The following SIRPD variants were observed in gnomAD, a reference collection of about 807,000 sequenced individuals.
SIRPD encodes the protein signal regulatory protein delta, also known as signal-regulatory protein delta.
Under a neutral mutation model 18.0 loss-of-function variants are expected in SIRPD, and 21 were observed. That is an observed-to-expected ratio of 1.17 (90% confidence interval 0.83 to 1.68). The LOEUF (loss-of-function observed/expected upper bound fraction) is 1.68, where lower values mean the gene tolerates loss of function less well. Ranked by LOEUF, SIRPD falls within the 40% of genes most tolerant of loss-of-function variation. The probability of loss-of-function intolerance (pLI) is 0.00; values close to 1 mark genes in which losing one functional copy is unlikely to be tolerated. For missense variants in SIRPD, 295 were observed against 238.4 expected (o/e 1.24, Z -1.56); for synonymous variants, 106 against 92.9 (o/e 1.14, Z -0.81).
At chr20:1,554,739 G>C (rs1416113483) in intron 1 of SIRPD, among the ~76,000 whole-genome samples, 2 of 152,078 alleles carry the variant, frequency 1.3e-5, no homozygotes, top group Non-Finnish European at 2.9e-5. Context: ...CCCATACCGG[G>C]TGTTCTGTGG....
At chr20:1,541,162 A>T (rs986820926) in intron 2 of SIRPD, among the ~76,000 whole-genome samples, 42 of 152,194 alleles carry the variant, frequency 2.8e-4, no homozygotes, top group African/African-American at 9.9e-4. Context: ...CAGTAATGGG[A>T]TTGCTGGGTC....
intron 2 of SIRPD, among the ~76,000 whole-genome samples, chr20:1,547,615 T>A (rs1400469348): frequency 6.6e-6 from 1 of 152,220 alleles, no homozygotes; most frequent in Non-Finnish European, 1.5e-5. Flanking sequence ...AGGATTGTTT[T>A]GGCTATTCTG....
chr20:1,555,513 T>A (rs1322150556), intron 1 of SIRPD, among the ~76,000 whole-genome samples: 7 of 152,220 alleles, frequency 4.6e-5, no homozygotes. Context: ...GTGATAAGTA[T>A]GTGAGGTGAT....
At position 1,549,933 on chromosome 20, in the gene SIRPD, A is replaced by C. The variant is rs1246697265; in HGVS notation, c.421+1758T>G. Among the ~76,000 whole-genome samples, 3 of 152,314 alleles carry C rather than the reference A, an allele frequency of 2.0e-5. No individual in the cohort carries two copies. The South Asian group carries it at 6.2e-4, about 32-fold the overall frequency. ...TTTTTATTTATTAAGAAATGGCATA[A>C]ATTTGGTACATTTCTGACTCAGAAC... On this transcript the variant is annotated intron_variant, in intron 2 of 3. Transcript: ENST00000381623.
At chr20:1,540,082 A>C (rs918096610) in intron 2 of SIRPD, 5 of 323,604 alleles carry the variant, frequency 1.5e-5, no homozygotes, top group African/African-American at 1.1e-4. Flanking sequence ...ACTAATACAG[A>C]TTTGTTAAGA....
chr20:1,545,293 C>G (rs1318867579), intron 2 of SIRPD, among the ~76,000 whole-genome samples: 1 of 152,158 alleles, frequency 6.6e-6, no homozygotes, highest in Non-Finnish European at 1.5e-5. Flanking sequence ...TCCCATATTT[C>G]TTGGAGGGTT....
intron 3 of SIRPD, among the ~76,000 whole-genome samples, chr20:1,535,270 G>C (rs1264338749): frequency 6.6e-6 from 1 of 152,164 alleles, no homozygotes; most frequent in African/African-American, 2.4e-5. Flanking sequence ...ACAGTGAAGA[G>C]GTCAAAGTAA....
At chr20:1,541,003 G>A (rs1194922591) in intron 2 of SIRPD, among the ~76,000 whole-genome samples, 5 of 152,174 alleles carry the variant, frequency 3.3e-5, no homozygotes, top group Admixed American at 6.5e-5. Context: ...ATTCCATGGT[G>A]TATATGTGCC....
chr20:1,550,280 T>A (rs948309203), intron 2 of SIRPD, among the ~76,000 whole-genome samples: 2 of 152,142 alleles, frequency 1.3e-5, no homozygotes, highest in African/African-American at 4.8e-5. Flanking sequence ...GGACCTCCTC[T>A]CCCTAGCAAC....
chr20:1,553,960 G>A (rs769162399), intron 1 of SIRPD: 1 of 152,608 alleles, frequency 6.6e-6, no homozygotes, highest in Non-Finnish European at 1.5e-5. Context: ...TCACATACAC[G>A]GTGGTGCCTG....
chr20:1,540,658 A>T (rs544369839), intron 2 of SIRPD, among the ~76,000 whole-genome samples: 1 of 152,314 alleles, frequency 6.6e-6, no homozygotes, highest in African/African-American at 2.4e-5. Context: ...TTTAAATTAT[A>T]CTTTAAGTTC....
intron 2 of SIRPD, among the ~76,000 whole-genome samples, chr20:1,539,614 C>T (rs2090961943): frequency 1.3e-5 from 2 of 152,232 alleles, no homozygotes; most frequent in Non-Finnish European, 1.5e-5. Flanking sequence ...ATTCACCCCA[C>T]TATGTAATCC....
At chr20:1,545,056 T>C (rs541717891) in intron 2 of SIRPD, among the ~76,000 whole-genome samples, 20 of 152,328 alleles carry the variant, frequency 1.3e-4, no homozygotes, top group African/African-American at 4.1e-4. Context: ...ATTTTTCACT[T>C]CATTTCAACC....
chr20:1,553,094 G>A (rs907505607), intron 1 of SIRPD, among the ~76,000 whole-genome samples: 20 of 152,300 alleles, frequency 1.3e-4, no homozygotes, highest in East Asian at 3.9e-4. Flanking sequence ...GGAAGTCTCA[G>A]GACAGACCTG....
intron 1 of SIRPD, among the ~76,000 whole-genome samples, chr20:1,552,987 T>C (rs756371297): frequency 6.6e-6 from 1 of 152,140 alleles, no homozygotes; most frequent in Non-Finnish European, 1.5e-5. Context: ...TACCACTGTA[T>C]TTCATGACGT....
chr20:1,548,457 A>G (rs1352438365), intron 2 of SIRPD, among the ~76,000 whole-genome samples: 1 of 152,160 alleles, frequency 6.6e-6, no homozygotes, highest in African/African-American at 2.4e-5. Context: ...CATGGGATAA[A>G]TCCCACTTGG....
intron 1 of SIRPD, among the ~76,000 whole-genome samples, chr20:1,553,230 G>A (rs1051106136): frequency 6.6e-6 from 1 of 152,138 alleles, no homozygotes; most frequent in Non-Finnish European, 1.5e-5. Context: ...ACAGTGCCAG[G>A]CCATGGTAGG....
At chr20:1,546,031 C>G (rs539738117) in intron 2 of SIRPD, among the ~76,000 whole-genome samples, 1 of 152,328 alleles carries the variant, frequency 6.6e-6, no homozygotes, top group East Asian at 1.9e-4. Flanking sequence ...CCAGCCAGAG[C>G]TCTCCTGTAT....
Position 1,535,298 on chromosome 20 carries a change from T to A in SIRPD, c.578-857A>T, listed in dbSNP as rs147097703. 8.4e-3 allele frequency among the ~76,000 whole-genome samples: 1,273 copies of A among 152,334 alleles called. 11 individuals carry two copies. Among genetic ancestry groups the A allele is most frequent in the African/African-American group, 0.028 (1,168 of 41,570 alleles). ...CAAAGTAAGAGCTAGTGGAGTCCCATTGACCCAGGTTTCAATGCCTCCTCT... is the reference window on the plus strand; with the variant it reads ...CAAAGTAAGAGCTAGTGGAGTCCCAATGACCCAGGTTTCAATGCCTCCTCT... On this transcript the variant is annotated intron_variant, in intron 3 of 3. Transcript: ENST00000381623.
Sources: allele counts gnomAD v4.1 joint callset (sites outside exome capture counted in the v4.1 genomes callset), GRCh38; gene constraint gnomAD v4.1.1; transcripts MANE v1.5; gene names NCBI Gene and HGNC (gene_info 2026-07-23, HGNC 2026-07-21).